The following DIP2A variants were observed in gnomAD, a reference collection of about 807,000 sequenced individuals.
DIP2A encodes the protein DIP2 acetate--CoA ligase A.
A neutral mutation model predicts 177.4 loss-of-function variants in DIP2A; 85 were observed. The observed-to-expected ratio is 0.48, with a 90% CI of 0.40 to 0.57. DIP2A has a LOEUF of 0.57. Among genes scored for constraint, DIP2A ranks in the 20% least tolerant of loss-of-function variants. DIP2A has a pLI of 0.00. For synonymous variants in DIP2A, 886 were observed against 881.8 expected (o/e 1.00, Z -0.08); for missense variants, 1,791 against 2,100.2 (o/e 0.85, Z 2.88).
rs202000084 is a variant in DIP2A, at chr21:46,525,939, G to A, written c.1103-3153G>A. ...TATTATTATTTTGAGATGGAGTTTC[G>A]CTCTTGTTGCCCGGGCTGGAGTGCA... On this transcript the variant is annotated intron_variant, in intron 8 of 37. Transcript: ENST00000417564. 4.7e-5 allele frequency among the ~76,000 whole-genome samples: 7 copies of A among 148,638 alleles called. No homozygotes were observed. In the South Asian group the frequency reaches 8.5e-4, roughly 18 times the overall value.
intron 23 of DIP2A, 122 bp downstream of exon 23, chr21:46,550,866 C>G (rs920909091): frequency 6.5e-5 from 68 of 1,046,348 alleles, no homozygotes; most frequent in Non-Finnish European, 9.1e-5. Flanking sequence ...GGGCTGGGGT[C>G]AAGAGCCAGA....
intron 28 of DIP2A, 145 bp downstream of exon 28, chr21:46,555,078 C>A: frequency 3.7e-6 from 3 of 813,066 alleles, no homozygotes; most frequent in Non-Finnish European, 5.9e-6. Context: ...TGCCCCGGGC[C>A]CTGGTGGGGA....
At chr21:46,539,137 G>T in intron 16 of DIP2A, 1 of 169,356 alleles carries the variant, frequency 5.9e-6, no homozygotes, top group Non-Finnish European at 1.3e-5. Context: ...GTGAGCTCTG[G>T]GGCCCAGGAC....
At chr21:46,495,380 T>C (rs1826168629) in intron 3 of DIP2A, among the ~76,000 whole-genome samples, 1 of 151,712 alleles carries the variant, frequency 6.6e-6, no homozygotes. Flanking sequence ...ACGATTTTCC[T>C]GCCTCAGCCT....
rs1443077979 is a variant in DIP2A, at chr21:46,556,904, C to T, written c.3499-35C>T. The T allele has an allele frequency of 2.6e-6, 4 of 1,509,514 alleles. No individual in the cohort carries two copies. Among genetic ancestry groups the T allele is most frequent in the Non-Finnish European group, 3.6e-6 (4 of 1,121,774 alleles). The allele number at this position is 1,509,514 out of a possible 1,614,324, so 93.5% of individuals were successfully genotyped here. A position where few individuals can be genotyped will look rare whatever the true frequency, so the allele number is the denominator to read the frequency against. On this transcript the variant is annotated intron_variant, in intron 29 of 37. Transcript: ENST00000417564. This position sits in a 1 kb window ranked among gnomAD's most constrained non-coding sequence, Gnocchi z 4.5. Reference sequence around the variant, plus strand: ...CCCTCTCCCCTCCTGAATTTCATTTCACTTTTTTTTTTTGAACTTTATTTT... The same window carrying T: ...CCCTCTCCCCTCCTGAATTTCATTTTACTTTTTTTTTTTGAACTTTATTTT...
rs563754453 is a variant in DIP2A, at chr21:46,496,990, G to A, written c.286G>A (p.Val96Ile). ...TTACTGCTGTCCTTCCTGTGTAGAT[G>A]TCCACACTGAAGCCGTGCAAGCAGC... ...ASRDERFRSD[V>I]HTEAVQAALA... is the part of the protein sequence containing the mutation. The change falls in exon 4 of 38, where the codon GTC becomes ATC. Residue 96 changes from valine to isoleucine, a missense_variant and splice_region_variant. Val to Ile is a conservative substitution (Grantham distance 29). Transcript: ENST00000417564. 1.3e-5 allele frequency: 20 copies of A among 1,587,474 alleles called. No individual in the cohort carries two copies. The African/African-American group carries it at 2.4e-4, about 19-fold the overall frequency.
At chr21:46,484,133 T>C (rs1377177218) in intron 1 of DIP2A, among the ~76,000 whole-genome samples, 2 of 152,172 alleles carry the variant, frequency 1.3e-5, no homozygotes, top group African/African-American at 4.8e-5. Flanking sequence ...TTGCAATACT[T>C]GTGAAACTTG....
intron 1 of DIP2A, among the ~76,000 whole-genome samples, chr21:46,470,913 G>C (rs1042361785): frequency 6.0e-4 from 86 of 142,418 alleles, no homozygotes; most frequent in Non-Finnish European, 1.2e-3. Context: ...TGGGAAACGA[G>C]TGAAATTCTG....
chr21:46,479,580 C>T (rs1040715912), intron 1 of DIP2A, among the ~76,000 whole-genome samples: 9 of 152,110 alleles, frequency 5.9e-5, no homozygotes, highest in Admixed American at 3.9e-4. Flanking sequence ...AGCTGGAGTG[C>T]AGTGGTGCGA....
At chr21:46,514,632 T>TG (rs2058478043) in intron 8 of DIP2A, among the ~76,000 whole-genome samples, 2 of 140,368 alleles carry the variant, frequency 1.4e-5, no homozygotes, top group East Asian at 2.0e-4. Context: ...TTTTTTTTTT[T>TG]TTTTTTTTGG....
At chr21:46,561,082 C>T in intron 33 of DIP2A, 6 of 912,038 alleles carry the variant, frequency 6.6e-6, no homozygotes, top group East Asian at 1.2e-4. Flanking sequence ...TTATCTGTCA[C>T]ACAACCAGGA....
At chr21:46,464,353 A>G (rs558108373) in intron 1 of DIP2A, among the ~76,000 whole-genome samples, 3 of 152,204 alleles carry the variant, frequency 2.0e-5, no homozygotes, top group East Asian at 1.9e-4. Flanking sequence ...AGATTGCACC[A>G]TTGCACTCCA....
rs1051691338 is a variant in DIP2A, at chr21:46,488,842, A to G, written c.164-1758A>G. ...TAATTTCACATTGGGTTTTGTATCT[A>G]TCTTTGTTGAATAAATGAATCTATC... On this transcript the variant is annotated intron_variant, in intron 2 of 37. Coordinates refer to ENST00000417564, the MANE Select transcript of DIP2A (RefSeq NM_015151.4). Among the ~76,000 whole-genome samples the G allele has an allele frequency of 3.3e-5, 5 of 152,228 alleles. No homozygotes were observed. In the East Asian group the frequency reaches 5.8e-4, roughly 18 times the overall value.
At chr21:46,555,258 C>T (rs1029505361) in intron 28 of DIP2A, among the ~76,000 whole-genome samples, 1 of 152,262 alleles carries the variant, frequency 6.6e-6, no homozygotes, top group African/African-American at 2.4e-5. Context: ...ACACAGCTCC[C>T]ACCGCATGCC....
rs762164273 is a variant in DIP2A at position 46,566,550 on chromosome 21, C to G, written c.4340-10C>G. 1.7e-5 allele frequency: 27 copies of G among 1,614,012 alleles called. No homozygotes were observed. In the East Asian group the frequency reaches 4.5e-4, roughly 27 times the overall value. On this transcript the variant is annotated splice_polypyrimidine_tract_variant and intron_variant, in intron 36 of 37. Coordinates refer to ENST00000417564, the MANE Select transcript of DIP2A (RefSeq NM_015151.4). The stretch of plus-strand genomic sequence containing the variant: ...CTTTCTGGGCACGTGTAAACACACA[C>G]TGTTCACAGGGCGGCACGATGCACT...
At chr21:46,491,480 A>G (rs2057009887) in intron 3 of DIP2A, among the ~76,000 whole-genome samples, 1 of 152,228 alleles carries the variant, frequency 6.6e-6, no homozygotes, top group South Asian at 2.1e-4. Flanking sequence ...TGTCTTACCA[A>G]TTTGATACAC....
At chr21:46,497,142 TG>T in intron 4 of DIP2A, 35 bp downstream of exon 4, 10 of 1,389,380 alleles carry the variant, frequency 7.2e-6, no homozygotes, top group Non-Finnish European at 1.0e-5. Context: ...GGCTTTTTTT[TG>T]AGTGTTTCAC....
At chr21:46,534,243 C>A in intron 12 of DIP2A, 130 bp downstream of exon 12, 1 of 715,888 alleles carries the variant, frequency 1.4e-6, no homozygotes, top group Non-Finnish European at 2.3e-6. Flanking sequence ...TTTATCTCTG[C>A]CCTGGAAATA....
At chr21:46,525,027 A>T (rs1202265482) in intron 8 of DIP2A, among the ~76,000 whole-genome samples, 1 of 151,634 alleles carries the variant, frequency 6.6e-6, no homozygotes, top group Non-Finnish European at 1.5e-5. Context: ...CTGGGAGTAC[A>T]GGTGTGCACC....
Sources: allele counts gnomAD v4.1 joint callset (sites outside exome capture counted in the v4.1 genomes callset), GRCh38; gene constraint gnomAD v4.1.1; non-coding constraint Gnocchi (gnomAD v3.1); transcripts MANE v1.5; gene names NCBI Gene and HGNC (gene_info 2026-07-23, HGNC 2026-07-21).